The following TMEM132B variants were observed in gnomAD, a reference collection of about 807,000 sequenced individuals.
The protein encoded by TMEM132B is transmembrane protein 132B.
A neutral mutation model predicts 90.8 loss-of-function variants in TMEM132B; 18 were observed. The observed-to-expected ratio is 0.20, with a 90% CI of 0.14 to 0.29. The LOEUF (loss-of-function observed/expected upper bound fraction) is 0.29. Among genes scored for constraint, TMEM132B ranks in the 10% least tolerant of loss-of-function variants. TMEM132B has a pLI of 1.00. For synonymous variants in TMEM132B, 504 were observed against 523.3 expected (o/e 0.96, Z 0.50); for missense variants, 1,096 against 1,326.8 (o/e 0.83, Z 2.70).
intron 4 of TMEM132B, among the ~76,000 whole-genome samples, chr12:125,583,065 A>T (rs925404184): frequency 2.6e-5 from 4 of 152,240 alleles, no homozygotes; most frequent in Non-Finnish European, 4.4e-5. Context: ...AAACAAAAAG[A>T]TAATTTTGTT....
chr12:125,638,870 G>C (rs1429982857), intron 5 of TMEM132B, among the ~76,000 whole-genome samples: 1 of 152,186 alleles, frequency 6.6e-6, no homozygotes, highest in Non-Finnish European at 1.5e-5. Flanking sequence ...AAGCAATGTA[G>C]TTGCAAAAGT....
At chr12:125,551,806 T>A (rs78286490) in intron 4 of TMEM132B, among the ~76,000 whole-genome samples, 3,029 of 152,266 alleles carry the variant, frequency 0.02, 52 homozygotes, top group South Asian at 0.034. Flanking sequence ...GCTGGGGAAC[T>A]TCTGTGCCAT....
At chr12:125,333,461 G>GT (rs1566004721) in intron 1 of TMEM132B, among the ~76,000 whole-genome samples, 3 of 152,192 alleles carry the variant, frequency 2.0e-5, no homozygotes, top group Non-Finnish European at 4.4e-5. Context: ...CATTCATGAA[G>GT]AATAAATGTC....
Position 125,269,143 on chromosome 12 carries a change from T to C in TMEM132B, c.68-80309T>C, listed in dbSNP as rs185726287. Among the ~76,000 whole-genome samples the C allele has an allele frequency of 5.3e-5, 8 of 152,376 alleles. No individual in the cohort carries two copies. The East Asian group carries it at 1.5e-3, about 29-fold the overall frequency. ...TTCCCAGATACACCTCTGATTATAT[T>C]TGCAGTTACTTTGCAGTTCATCGAG... is the stretch of plus-strand genomic sequence containing the variant. On this transcript the variant is annotated intron_variant, in intron 1 of 8. Coordinates refer to ENST00000682704, the MANE Select transcript of TMEM132B (RefSeq NM_001366854.1).
intron 5 of TMEM132B, among the ~76,000 whole-genome samples, chr12:125,614,505 C>T (rs1424483449): frequency 6.6e-6 from 1 of 152,096 alleles, no homozygotes; most frequent in Non-Finnish European, 1.5e-5. Flanking sequence ...TTTCTTTATC[C>T]AGTCTACCAC....
chr12:125,488,990 G>A (rs1249007802), intron 3 of TMEM132B, among the ~76,000 whole-genome samples: 1 of 152,172 alleles, frequency 6.6e-6, no homozygotes, highest in Non-Finnish European at 1.5e-5. Context: ...GGAAAAATTG[G>A]TTTTTATCAC....
chr12:125,519,610 C>T lies in TMEM132B; in HGVS notation c.1278C>T (p.Ile426=), dbSNP rs1009250837. Reference sequence around the variant, plus strand: ...TCAGCCAGACAACCTTCGTGGGCATCGTCCCTCTTGCCATGGTGAGGAATC... The same window carrying T: ...TCAGCCAGACAACCTTCGTGGGCATTGTCCCTCTTGCCATGGTGAGGAATC... ...IFVSQTTFVG[I]VPLAMDTEVL... Residue 426 remains isoleucine (I), a synonymous_variant, in exon 4 of 9, where the codon ATC becomes ATT. Coordinates refer to ENST00000682704, the MANE Select transcript of TMEM132B (RefSeq NM_001366854.1). 9.3e-6 allele frequency: 15 copies of T among 1,613,892 alleles called. No homozygotes were observed. Among genetic ancestry groups the T allele is most frequent in the Non-Finnish European group, 1.1e-5 (13 of 1,180,034 alleles).
intron 1 of TMEM132B, among the ~76,000 whole-genome samples, chr12:125,198,263 G>A (rs567183473): frequency 4.6e-5 from 7 of 152,326 alleles, no homozygotes; most frequent in African/African-American, 1.7e-4. Flanking sequence ...GACAAAAATG[G>A]GAATGTAGGC....
Position 125,632,678 on chromosome 12 carries a change from GT to G in TMEM132B, c.1438-11389del, listed in dbSNP as rs199888506. On this transcript the variant is annotated intron_variant, in intron 5 of 8. Coordinates refer to ENST00000682704, the MANE Select transcript of TMEM132B (RefSeq NM_001366854.1). ...CAAGATGTACTATTCTAGTGTCAAA[GT>G]TTTTTTTTCCTCCTTCAGCACTTTA... is the stretch of plus-strand genomic sequence containing the variant. 8.1e-3 allele frequency among the ~76,000 whole-genome samples: 1,229 copies of G among 151,466 alleles called. 15 individuals are homozygous for G. Among genetic ancestry groups the G allele is most frequent in the African/African-American group, 0.028 (1,157 of 41,346 alleles).
At chr12:125,203,461 G>C (rs1873111598) in intron 1 of TMEM132B, among the ~76,000 whole-genome samples, 1 of 152,158 alleles carries the variant, frequency 6.6e-6, no homozygotes. Flanking sequence ...GCTGATCAGA[G>C]GTAGAGCTTA....
chr12:125,541,460 A>G (rs148792316), intron 4 of TMEM132B, among the ~76,000 whole-genome samples: 12 of 152,300 alleles, frequency 7.9e-5, no homozygotes, highest in African/African-American at 2.6e-4. Flanking sequence ...TTCTTGGCAC[A>G]CAGGATGTGA....
chr12:125,477,315 T>A (rs1881909202), intron 3 of TMEM132B, among the ~76,000 whole-genome samples: 1 of 152,194 alleles, frequency 6.6e-6, no homozygotes, highest in African/African-American at 2.4e-5. Flanking sequence ...ATCATAATTT[T>A]AAAAATTTAT....
rs188892343 is a variant in TMEM132B at position 125,472,650 on chromosome 12, A to T, written c.1107-46789A>T. Among the ~76,000 whole-genome samples, 19 of 152,258 alleles carry T rather than the reference A, an allele frequency of 1.2e-4. No homozygotes were observed. In the East Asian group the frequency reaches 3.7e-3, roughly 29 times the overall value. Reference sequence around the variant, plus strand: ...GGTCTTCAGAGGAGGTGATTAGATAATGAGGGCCCCACCCTCATGCATAGT... The same window carrying T: ...GGTCTTCAGAGGAGGTGATTAGATATTGAGGGCCCCACCCTCATGCATAGT... On this transcript the variant is annotated intron_variant, in intron 3 of 8. Coordinates refer to ENST00000682704, the MANE Select transcript of TMEM132B (RefSeq NM_001366854.1).
intron 5 of TMEM132B, among the ~76,000 whole-genome samples, chr12:125,604,280 GAC>G (rs202217815): frequency 0.11 from 16,152 of 152,180 alleles, 1,122 homozygotes; most frequent in South Asian, 0.22. Flanking sequence ...AAGGGAATGA[GAC>G]TGTGTCCTTT....
In TMEM132B at chr12:125,660,692, C is replaced by T. The variant is rs1887189163; in HGVS notation, c.*5982C>T. 6.6e-6 allele frequency: 1 copy of T among 152,182 alleles called. No homozygotes were observed. The highest frequency in any genetic ancestry group is 2.1e-4 in the South Asian group (1 of 4,830). 9.4% of individuals were successfully genotyped at this position (152,182 alleles called of 1,614,324 possible). On this transcript the variant is annotated 3_prime_UTR_variant, in exon 9 of 9. Transcript: ENST00000682704. The stretch of plus-strand genomic sequence containing the variant: ...TCATTAGGGAAATTATCTTCCCAGT[C>T]CAAGCAAGCAATAATGTTATCAACT...
In TMEM132B at chr12:125,459,492, G is replaced by C. The variant is rs1881380805; in HGVS notation, c.1106+43815G>C. 6.6e-6 allele frequency among the ~76,000 whole-genome samples: 1 copy of C among 152,180 alleles called. No homozygotes were observed. Among genetic ancestry groups the C allele is most frequent in the Non-Finnish European group, 1.5e-5 (1 of 68,032 alleles). On this transcript the variant is annotated intron_variant, in intron 3 of 8. Transcript: ENST00000682704. This position sits in a 1 kb window ranked among gnomAD's most constrained non-coding sequence, Gnocchi z 4.1. ...CAAAACAATTGAAATCATGGACATAGAGAGTAAAAGGATGGTTACCAGAAG... is the reference window on the plus strand; with the variant it reads ...CAAAACAATTGAAATCATGGACATACAGAGTAAAAGGATGGTTACCAGAAG...
intron 8 of TMEM132B, among the ~76,000 whole-genome samples, chr12:125,653,220 AG>A: frequency 6.6e-6 from 1 of 152,364 alleles, no homozygotes; most frequent in South Asian, 2.1e-4. Flanking sequence ...TATCTTGAGC[AG>A]TAGCCTGATT....
chr12:125,603,459 A>G (rs1885616486), intron 5 of TMEM132B, among the ~76,000 whole-genome samples: 1 of 152,214 alleles, frequency 6.6e-6, no homozygotes, highest in African/African-American at 2.4e-5. Flanking sequence ...CTCAAGATGG[A>G]TTAAAGACTT....
At chr12:125,315,500 A>T (rs1565999858) in intron 1 of TMEM132B, among the ~76,000 whole-genome samples, 1 of 152,216 alleles carries the variant, frequency 6.6e-6, no homozygotes. Context: ...CGCCTGGTCA[A>T]TAATAGGAAT....
Sources: allele counts gnomAD v4.1 joint callset (sites outside exome capture counted in the v4.1 genomes callset), GRCh38; gene constraint gnomAD v4.1.1; non-coding constraint Gnocchi (gnomAD v3.1); transcripts MANE v1.5; gene names NCBI Gene and HGNC (gene_info 2026-07-23, HGNC 2026-07-21).